TMEM117: variants seen among roughly 807,000 people sequenced by gnomAD.
The protein encoded by TMEM117 is transmembrane protein 117.
In TMEM117, 27 loss-of-function variants were observed where a neutral mutation model predicts 52.4. The ratio of observed to expected loss-of-function variants is 0.51; its 90% confidence interval spans 0.38 to 0.71. TMEM117 has a LOEUF of 0.71. TMEM117 is among the 30% of genes least tolerant of loss of function. The pLI, the probability that TMEM117 is intolerant of heterozygous loss-of-function variation, is 0.00. For synonymous variants in TMEM117, 215 were observed against 206.3 expected (o/e 1.04, Z -0.36); for missense variants, 556 against 630.5 (o/e 0.88, Z 1.26).
intron 5 of TMEM117, among the ~76,000 whole-genome samples, chr12:44,296,159 C>A (rs1174834699): frequency 1.3e-5 from 2 of 152,092 alleles, no homozygotes; most frequent in Non-Finnish European, 2.9e-5. Flanking sequence ...GACACTAGGG[C>A]AAGGGTGTGC....
chr12:43,854,622 T>A (rs1293793431), intron 2 of TMEM117, among the ~76,000 whole-genome samples: 2 of 151,458 alleles, frequency 1.3e-5, no homozygotes, highest in South Asian at 4.2e-4. Context: ...TTTTAAAAAA[T>A]TTTATTTTTA....
chr12:44,293,433 T>G (rs1950730140), intron 5 of TMEM117, among the ~76,000 whole-genome samples: 1 of 152,100 alleles, frequency 6.6e-6, no homozygotes, highest in Non-Finnish European at 1.5e-5. Flanking sequence ...TTTAAACTAA[T>G]TATTGATAGG....
rs1231536994 is a variant in TMEM117 at position 44,330,253 on chromosome 12, T to TA, written c.768+30520dup. Among the ~76,000 whole-genome samples, 25 of 151,970 alleles carry TA rather than the reference T, an allele frequency of 1.6e-4. No homozygotes were observed. In the South Asian group the frequency reaches 5.2e-3, roughly 31 times the overall value. On this transcript the variant is annotated intron_variant, in intron 6 of 7. Transcript: ENST00000266534. Reference sequence around the variant, plus strand: ...GCATTTTTTAATGAGGAACCTTTTTTAAAAAAGTTAACTTTTTTATGTAAG... The same window carrying TA: ...GCATTTTTTAATGAGGAACCTTTTTTAAAAAAAGTTAACTTTTTTATGTAAG...
chr12:43,932,194 T>C (rs1408808009), intron 2 of TMEM117, among the ~76,000 whole-genome samples: 1 of 152,084 alleles, frequency 6.6e-6, no homozygotes, highest in African/African-American at 2.4e-5. Flanking sequence ...ATATTGTTTA[T>C]TTCTAGATTT....
chr12:43,900,532 A>T (rs921593351), intron 2 of TMEM117, among the ~76,000 whole-genome samples: 1 of 152,014 alleles, frequency 6.6e-6, no homozygotes, highest in African/African-American at 2.4e-5. Flanking sequence ...AGCCTGGCCA[A>T]TATGGTGAAA....
chr12:44,038,798 G>A (rs1293078998), intron 3 of TMEM117, among the ~76,000 whole-genome samples: 1 of 152,068 alleles, frequency 6.6e-6, no homozygotes, highest in Non-Finnish European at 1.5e-5. Context: ...TTGTTTAAAT[G>A]CTTTGAATAT....
chr12:44,372,013 G>A (rs892232575), intron 6 of TMEM117, among the ~76,000 whole-genome samples: 2 of 152,182 alleles, frequency 1.3e-5, no homozygotes, highest in African/African-American at 4.8e-5. Flanking sequence ...AAAGTTGGGA[G>A]TCTGTTCACA....
At chr12:44,073,075 C>T (rs1056187851) in intron 3 of TMEM117, among the ~76,000 whole-genome samples, 1 of 151,422 alleles carries the variant, frequency 6.6e-6, no homozygotes, top group African/African-American at 2.4e-5. Flanking sequence ...GGCGACAGAG[C>T]GAGACTGTCC....
intron 3 of TMEM117, among the ~76,000 whole-genome samples, chr12:44,019,349 A>G (rs932609211): frequency 6.6e-6 from 1 of 152,030 alleles, no homozygotes; most frequent in Non-Finnish European, 1.5e-5. Context: ...GACCCATTGT[A>G]GTTTCACAGA....
At chr12:43,845,819 T>C (rs149617360) in intron 2 of TMEM117, among the ~76,000 whole-genome samples, 2,311 of 152,288 alleles carry the variant, frequency 0.015, 66 homozygotes, top group African/African-American at 0.051. Flanking sequence ...TGTGATAGTT[T>C]GCTCAGAATG....
chr12:43,894,086 T>TGACCA (rs1344802696), intron 2 of TMEM117, among the ~76,000 whole-genome samples: 3 of 152,130 alleles, frequency 2.0e-5, no homozygotes, highest in African/African-American at 7.2e-5. Context: ...CATGGTACTG[T>TGACCA]ATTGGTCACT....
At chr12:44,121,051 G>A (rs1948226029) in intron 3 of TMEM117, among the ~76,000 whole-genome samples, 1 of 152,152 alleles carries the variant, frequency 6.6e-6, no homozygotes, top group Admixed American at 6.5e-5. Flanking sequence ...CGTGTTACAT[G>A]GTGGCAGGCA....
chr12:43,851,530 T>A (rs1006493729), intron 2 of TMEM117, among the ~76,000 whole-genome samples: 2 of 152,188 alleles, frequency 1.3e-5, no homozygotes, highest in Admixed American at 6.6e-5. Context: ...TTTAGACATA[T>A]CCATGAATAG....
intron 6 of TMEM117, among the ~76,000 whole-genome samples, chr12:44,339,374 C>T (rs1951385985): frequency 6.6e-6 from 1 of 151,684 alleles, no homozygotes; most frequent in African/African-American, 2.4e-5. Flanking sequence ...CAATGATCTA[C>T]AACATCCACC....
In TMEM117 at chr12:44,041,871, G is replaced by C. The variant is rs189323268; in HGVS notation, c.410+97529G>C. Among the ~76,000 whole-genome samples the C allele has an allele frequency of 2.7e-3, 412 of 152,226 alleles. 4 individuals carry two copies. The highest frequency in any genetic ancestry group is 9.3e-3 in the African/African-American group (388 of 41,536). ...CAGAACTAAAAACAAAAAACCACAC[G>C]ATCATCTCAGTAGTCACAGAAAAGG... is the stretch of plus-strand genomic sequence containing the variant. On this transcript the variant is annotated intron_variant, in intron 3 of 7. Coordinates refer to ENST00000266534, the MANE Select transcript of TMEM117 (RefSeq NM_032256.3).
rs538927191 is a variant in TMEM117, at chr12:44,387,048, C to T, written c.899-978C>T. On this transcript the variant is annotated intron_variant, in intron 7 of 7. Coordinates refer to ENST00000266534, the MANE Select transcript of TMEM117 (RefSeq NM_032256.3). ...TAAAGCTTCTGGAACCTGGTACATA[C>T]GTCCCCTAACTTGCTACAGCAAACC... 8.6e-5 allele frequency among the ~76,000 whole-genome samples: 13 copies of T among 151,888 alleles called. No individual in the cohort carries two copies. The South Asian group carries it at 1.5e-3, about 17-fold the overall frequency.
At chr12:43,985,949 A>G (rs1032692046) in intron 3 of TMEM117, among the ~76,000 whole-genome samples, 1 of 152,208 alleles carries the variant, frequency 6.6e-6, no homozygotes, top group African/African-American at 2.4e-5. Context: ...TAATTCTGCT[A>G]TACTTGAATT....
chr12:44,229,552 A>G (rs992743263), intron 5 of TMEM117, among the ~76,000 whole-genome samples: 1 of 152,152 alleles, frequency 6.6e-6, no homozygotes, highest in Non-Finnish European at 1.5e-5. Context: ...TGCATTGCCC[A>G]GGGATTTTGG....
chr12:44,157,164 C>G (rs939678815), intron 4 of TMEM117, among the ~76,000 whole-genome samples: 1 of 152,144 alleles, frequency 6.6e-6, no homozygotes, highest in Admixed American at 6.6e-5. Context: ...CATAAACTTT[C>G]TTCTGATACC....
Sources: gnomAD v4.1 joint callset for allele counts (sites outside exome capture counted in the v4.1 genomes callset) on GRCh38, gnomAD v4.1.1 for gene constraint, MANE v1.5 for transcripts, NCBI Gene and HGNC (gene_info 2026-07-23, HGNC 2026-07-21) for gene names.